ALDH8A1: variants seen among roughly 807,000 people sequenced by gnomAD.
ALDH8A1 encodes 2-aminomuconic semialdehyde dehydrogenase.
Under a neutral mutation model 43.3 loss-of-function variants are expected in ALDH8A1, and 39 were observed. The observed-to-expected ratio is 0.90, with a 90% CI of 0.70 to 1.18. ALDH8A1 has a LOEUF of 1.18. Among genes scored for constraint, ALDH8A1 ranks in the 50% most tolerant of loss-of-function variants. The pLI is 0.00. For synonymous variants in ALDH8A1, 233 were observed against 243.5 expected (o/e 0.96, Z 0.40); for missense variants, 605 against 622.6 (o/e 0.97, Z 0.30).
Position 134,933,046 on chromosome 6 carries a change from A to C in ALDH8A1, c.593-14T>G. On this transcript the variant is annotated splice_polypyrimidine_tract_variant and intron_variant, in intron 4 of 6. Coordinates refer to ENST00000265605, the MANE Select transcript of ALDH8A1 (RefSeq NM_022568.4). ...CTGGTGGAACACCTGGATAGGAAACAGTATCAGTTATAGTAATTCTCAGTA... is the reference window on the plus strand; with the variant it reads ...CTGGTGGAACACCTGGATAGGAAACCGTATCAGTTATAGTAATTCTCAGTA... 6.5e-7 allele frequency: 1 copy of C among 1,535,814 alleles called. No homozygotes were observed. Among genetic ancestry groups the C allele is most frequent in the Non-Finnish European group, 8.7e-7 (1 of 1,147,058 alleles).
In ALDH8A1 at chr6:134,923,459, T is replaced by C. The variant is rs1008929399; in HGVS notation, c.1012-4592A>G. Among the ~76,000 whole-genome samples, 3 of 152,136 alleles carry C rather than the reference T, an allele frequency of 2.0e-5. No individual in the cohort carries two copies. The East Asian group carries it at 5.8e-4, about 29-fold the overall frequency. On this transcript the variant is annotated intron_variant, in intron 6 of 6. Coordinates refer to ENST00000265605, the MANE Select transcript of ALDH8A1 (RefSeq NM_022568.4). Reference sequence around the variant, plus strand: ...GAGTTTATGGCCTTATATTTTAATGTGGTCAGAAAAATTTGATAACTGCTA... The same window carrying C: ...GAGTTTATGGCCTTATATTTTAATGCGGTCAGAAAAATTTGATAACTGCTA...
At chr6:134,922,178 G>A (rs1776813197) in intron 6 of ALDH8A1, among the ~76,000 whole-genome samples, 1 of 152,308 alleles carries the variant, frequency 6.6e-6, no homozygotes, top group South Asian at 2.1e-4. Context: ...TTTATACAGA[G>A]GAGGCATTGT....
chr6:134,945,176 CA>C (rs2114710469), intron 1 of ALDH8A1, among the ~76,000 whole-genome samples: 1 of 152,178 alleles, frequency 6.6e-6, no homozygotes, highest in Non-Finnish European at 1.5e-5. Flanking sequence ...TAAGTCCTTT[CA>C]AAATTCTATA....
Position 134,943,981 on chromosome 6 carries a change from T to C in ALDH8A1, c.139-15A>G, listed in dbSNP as rs1175519212. ...GCGGCTTCGATCTTTGAGGAGCAAATGGGAGAAAGGGTCACCTTAAAGCTG... is the reference window on the plus strand; with the variant it reads ...GCGGCTTCGATCTTTGAGGAGCAAACGGGAGAAAGGGTCACCTTAAAGCTG... On this transcript the variant is annotated splice_polypyrimidine_tract_variant and intron_variant, in intron 1 of 6. Coordinates refer to ENST00000265605, the MANE Select transcript of ALDH8A1 (RefSeq NM_022568.4). 15 of 1,612,026 alleles carry C rather than the reference T, an allele frequency of 9.3e-6. No homozygotes were observed. The Admixed American group carries it at 1.8e-4, about 20-fold the overall frequency.
chr6:134,940,570 A>G (rs1409425045), intron 3 of ALDH8A1, among the ~76,000 whole-genome samples: 5 of 152,210 alleles, frequency 3.3e-5, no homozygotes, highest in African/African-American at 1.2e-4. Context: ...TTTTAAATAA[A>G]AATTCTCTCT....
chr6:134,942,636 C>A, intron 2 of ALDH8A1, 72 bp from the exon 3 acceptor site: 3 of 1,470,142 alleles, frequency 2.0e-6, no homozygotes, highest in Non-Finnish European at 2.8e-6. Flanking sequence ...CCACTGCCCA[C>A]GCGTCCCAAC....
At position 134,917,934 on chromosome 6, in the gene ALDH8A1, TA is replaced by T. The variant is rs1172504791; in HGVS notation, c.*480del. On this transcript the variant is annotated 3_prime_UTR_variant, in exon 7 of 7. Transcript: ENST00000265605. ...GAGGGCACCACACCAAGCTAATTTTTAAACTTTTGGTAAAGACAGGATTTCA... is the reference window on the plus strand; with the variant it reads ...GAGGGCACCACACCAAGCTAATTTTTAACTTTTGGTAAAGACAGGATTTCA... 6.2e-6 allele frequency: 1 copy of T among 161,070 alleles called. No homozygotes were observed. The highest frequency in any genetic ancestry group is 1.4e-5 in the Non-Finnish European group (1 of 73,700). 10.0% of individuals were successfully genotyped at this position (161,070 alleles called of 1,614,324 possible).
intron 4 of ALDH8A1, among the ~76,000 whole-genome samples, chr6:134,934,346 A>G (rs1467522005): frequency 6.6e-6 from 1 of 152,184 alleles, no homozygotes; most frequent in Non-Finnish European, 1.5e-5. Context: ...AAAAAACAAG[A>G]AATGGATAAT....
intron 6 of ALDH8A1, among the ~76,000 whole-genome samples, chr6:134,921,791 A>G (rs962320042): frequency 1.3e-5 from 2 of 152,236 alleles, no homozygotes; most frequent in East Asian, 1.9e-4. Context: ...ACTCAGCCCC[A>G]AAGCTTTCTG....
At chr6:134,947,725 T>C (rs912122676) in intron 1 of ALDH8A1, among the ~76,000 whole-genome samples, 4 of 150,680 alleles carry the variant, frequency 2.7e-5, no homozygotes, top group African/African-American at 9.8e-5. Flanking sequence ...AAATGGTCAT[T>C]ATCAAAAAAT....
intron 1 of ALDH8A1, among the ~76,000 whole-genome samples, chr6:134,946,532 T>C (rs572810918): frequency 1.6e-4 from 24 of 152,388 alleles, no homozygotes; most frequent in African/African-American, 4.8e-4. Flanking sequence ...ATTTACTATA[T>C]GCCAAGCACT....
chr6:134,940,313 T>G (rs1773832598), intron 3 of ALDH8A1: 2 of 200,720 alleles, frequency 1.0e-5, no homozygotes, highest in South Asian at 1.2e-4. Flanking sequence ...TAGACTGAGC[T>G]TTACTTTTTC....
chr6:134,927,133 G>A (rs1465867703), intron 6 of ALDH8A1, among the ~76,000 whole-genome samples: 9 of 152,196 alleles, frequency 5.9e-5, no homozygotes, highest in African/African-American at 1.9e-4. Flanking sequence ...GGCCCCTGGA[G>A]TAGTTTTAAA....
chr6:134,931,855 C>G (rs1776991219), intron 5 of ALDH8A1, among the ~76,000 whole-genome samples: 1 of 152,096 alleles, frequency 6.6e-6, no homozygotes, highest in Non-Finnish European at 1.5e-5. Context: ...CTCATGAAAA[C>G]CCTGTTAGAA....
At chr6:134,924,629 A>G (rs1776856501) in intron 6 of ALDH8A1, among the ~76,000 whole-genome samples, 1 of 152,086 alleles carries the variant, frequency 6.6e-6, no homozygotes, top group South Asian at 2.1e-4. Flanking sequence ...AGTCACTTTT[A>G]TTTTCTTTAG....
chr6:134,929,253 T>C lies in ALDH8A1; in HGVS notation c.850-38A>G, dbSNP rs1776938438. 3 of 1,603,670 alleles carry C rather than the reference T, an allele frequency of 1.9e-6. No homozygotes were observed. In the East Asian group the frequency reaches 6.7e-5, roughly 36 times the overall value. On this transcript the variant is annotated intron_variant, in intron 5 of 6. Transcript: ENST00000265605. ...AGAACAGGGATAAGGCTGCGGACAC[T>C]CTCCTTCATGGATAGAGCACCCTGC...
intron 3 of ALDH8A1, 41 bp from the exon 4 acceptor site, chr6:134,939,456 C>G: frequency 6.3e-7 from 1 of 1,598,504 alleles, no homozygotes; most frequent in South Asian, 1.1e-5. Context: ...GACGGCATAC[C>G]CCTCTGAGGT....
chr6:134,946,786 G>GTGCACAGGTGCGCATGTGTGCGCACA, intron 1 of ALDH8A1, among the ~76,000 whole-genome samples: 1 of 150,152 alleles, frequency 6.7e-6, no homozygotes, highest in African/African-American at 2.5e-5. Context: ...GTGTGCGCGC[G>GTGCACAGGTGCGCATGTGTGCGCACA]CGCACAGGTG....
chr6:134,919,177 C>G (rs960761060), intron 6 of ALDH8A1, among the ~76,000 whole-genome samples: 2 of 152,142 alleles, frequency 1.3e-5, no homozygotes, highest in African/African-American at 4.8e-5. Context: ...TATTGTTAAT[C>G]TATTATTATC....
Sources: gnomAD v4.1 joint callset for allele counts (sites outside exome capture counted in the v4.1 genomes callset) on GRCh38, gnomAD v4.1.1 for gene constraint, MANE v1.5 for transcripts, NCBI Gene and HGNC (gene_info 2026-07-23, HGNC 2026-07-21) for gene names.